The following SEMA5A variants were observed in gnomAD, a reference collection of about 807,000 sequenced individuals.
SEMA5A encodes semaphorin 5A, also known as semaphorin-5A.
Under a neutral mutation model 135.5 loss-of-function variants are expected in SEMA5A, and 55 were observed. The observed-to-expected ratio is 0.41, with a 90% CI of 0.33 to 0.51. The LOEUF (loss-of-function observed/expected upper bound fraction) is 0.51, where lower values mean the gene tolerates loss of function less well. Ranked by LOEUF, SEMA5A falls within the 20% of genes least tolerant of loss-of-function variation. The pLI is 0.37. For synonymous variants in SEMA5A, 580 were observed against 546.5 expected, an observed-to-expected ratio of 1.06 and a Z score of -0.85; for missense variants, 1,290 against 1,419.9, an observed-to-expected ratio of 0.91 and a Z score of 1.47.
At chr5:9,055,049 T>G (rs1401554951) in intron 18 of SEMA5A, among the ~76,000 whole-genome samples, 1 of 152,222 alleles carries the variant, frequency 6.6e-6, no homozygotes, top group Non-Finnish European at 1.5e-5. Flanking sequence ...CTGAATTCTT[T>G]AGGCTGGGCT....
chr5:9,435,576 G>T (rs1055320082), intron 2 of SEMA5A, among the ~76,000 whole-genome samples: 4 of 152,060 alleles, frequency 2.6e-5, no homozygotes, highest in African/African-American at 9.7e-5. Flanking sequence ...TGCACTGTGG[G>T]ACTAATACCT....
intron 5 of SEMA5A, among the ~76,000 whole-genome samples, chr5:9,300,914 T>C (rs556408990): frequency 6.6e-6 from 1 of 152,308 alleles, no homozygotes; most frequent in Non-Finnish European, 1.5e-5. Flanking sequence ...AGTGGAGCCC[T>C]GCTGATATCT....
intron 2 of SEMA5A, among the ~76,000 whole-genome samples, chr5:9,433,372 A>G (rs1379610873): frequency 6.6e-6 from 1 of 152,210 alleles, no homozygotes; most frequent in Non-Finnish European, 1.5e-5. Flanking sequence ...AAAAAATCTG[A>G]CATCACTAAA....
intron 13 of SEMA5A, among the ~76,000 whole-genome samples, chr5:9,126,993 C>T (rs926186894): frequency 6.6e-6 from 1 of 152,070 alleles, no homozygotes; most frequent in Non-Finnish European, 1.5e-5. Context: ...AAGGTCAAGC[C>T]CTTACCATTG....
chr5:9,397,713 A>C (rs909482836), intron 2 of SEMA5A, among the ~76,000 whole-genome samples: 7 of 152,230 alleles, frequency 4.6e-5, no homozygotes, highest in African/African-American at 1.7e-4. Context: ...GCAGACAAGA[A>C]TCAAGATGAA....
At chr5:9,423,056 A>T (rs1039036127) in intron 2 of SEMA5A, among the ~76,000 whole-genome samples, 1 of 152,188 alleles carries the variant, frequency 6.6e-6, no homozygotes, top group Non-Finnish European at 1.5e-5. Flanking sequence ...AGTGAGCTCA[A>T]CATCATTCAT....
intron 16 of SEMA5A, among the ~76,000 whole-genome samples, chr5:9,094,604 T>A (rs1739220853): frequency 2.0e-5 from 3 of 152,246 alleles, no homozygotes; most frequent in Admixed American, 2.0e-4. Flanking sequence ...GGCTTATTGT[T>A]CCAGAGCTTC....
chr5:9,526,761 G>T (rs1477585603), intron 1 of SEMA5A, among the ~76,000 whole-genome samples: 1 of 152,168 alleles, frequency 6.6e-6, no homozygotes, highest in African/African-American at 2.4e-5. Flanking sequence ...CAGGATGCTG[G>T]AAATTGCCTT....
intron 12 of SEMA5A, among the ~76,000 whole-genome samples, chr5:9,139,271 A>C (rs1741934203): frequency 6.6e-6 from 1 of 152,178 alleles, no homozygotes. Flanking sequence ...GCAAGGCTGC[A>C]GTGCTCATTT....
chr5:9,179,125 G>C (rs780938054), intron 11 of SEMA5A, among the ~76,000 whole-genome samples: 10 of 152,182 alleles, frequency 6.6e-5, no homozygotes, highest in South Asian at 2.1e-4. Context: ...CCCTAACTGG[G>C]TTTTTGTATA....
chr5:9,053,093 A>G (rs763967961), intron 19 of SEMA5A, among the ~76,000 whole-genome samples: 2 of 152,232 alleles, frequency 1.3e-5, no homozygotes, highest in Non-Finnish European at 2.9e-5. Context: ...CAAGCTAAAA[A>G]AAATTGTGTG....
chr5:9,143,838 A>G (rs1237680787), intron 12 of SEMA5A, among the ~76,000 whole-genome samples: 3 of 100,184 alleles, frequency 3.0e-5, no homozygotes, highest in African/African-American at 9.3e-5. Context: ...ATCATTGTAA[A>G]TTTTCTCTAG....
At chr5:9,365,474 C>T (rs777082709) in intron 3 of SEMA5A, among the ~76,000 whole-genome samples, 12 of 151,970 alleles carry the variant, frequency 7.9e-5, no homozygotes, top group Admixed American at 2.0e-4. Context: ...TTCATCATTG[C>T]TTGATTTTTT....
chr5:9,214,325 T>C (rs1006168484), intron 8 of SEMA5A, among the ~76,000 whole-genome samples: 1 of 152,104 alleles, frequency 6.6e-6, no homozygotes, highest in African/African-American at 2.4e-5. Context: ...CTGCTGGCCC[T>C]CTCCAATCCA....
chr5:9,185,621 C>T (rs1436611052), intron 11 of SEMA5A, among the ~76,000 whole-genome samples: 1 of 152,122 alleles, frequency 6.6e-6, no homozygotes, highest in Non-Finnish European at 1.5e-5. Context: ...ATATAATTTG[C>T]ATGCCATAAA....
chr5:9,216,468 T>A (rs543899827), intron 8 of SEMA5A, among the ~76,000 whole-genome samples: 141 of 152,208 alleles, frequency 9.3e-4, no homozygotes, highest in Non-Finnish European at 1.9e-3. Flanking sequence ...CCTGTAGTTT[T>A]TTGGTGGAGA....
At chr5:9,522,930 GC>G (rs1736916601) in intron 1 of SEMA5A, 1 of 152,064 alleles carries the variant, frequency 6.6e-6, no homozygotes, top group East Asian at 1.9e-4. Context: ...TTTCTCTAGG[GC>G]CATTTTTACT....
Position 9,150,475 on chromosome 5 carries a change from TAA to T in SEMA5A, c.1481+4011_1481+4012del, listed in dbSNP as rs373723385. ...CACTCTATCTATTAAATGGCTGTGC[TAA>T]AAAAAAATGCTAACATCAAAACACA... On this transcript the variant is annotated intron_variant, in intron 12 of 22. Transcript: ENST00000382496. Among the ~76,000 whole-genome samples the T allele has an allele frequency of 2.0e-5, 3 of 151,168 alleles. No individual in the cohort carries two copies. In the East Asian group the frequency reaches 5.8e-4, roughly 29 times the overall value.
rs113566651 is a variant in SEMA5A, at chr5:9,101,180, T to C, written c.2073+6960A>G. On this transcript the variant is annotated intron_variant, in intron 16 of 22. Coordinates refer to ENST00000382496, the MANE Select transcript of SEMA5A (RefSeq NM_003966.3). ...TATTTAGCTAGATACAACAAACTTCTATAAGCTCATTGGTGTTTAAGTTAA... is the reference window on the plus strand; with the variant it reads ...TATTTAGCTAGATACAACAAACTTCCATAAGCTCATTGGTGTTTAAGTTAA... Among the ~76,000 whole-genome samples the C allele has an allele frequency of 3.6e-3, 547 of 152,356 alleles. 5 individuals carry two copies. Among genetic ancestry groups the C allele is most frequent in the African/African-American group, 0.013 (528 of 41,582 alleles).
Sources: allele counts gnomAD v4.1 joint callset (sites outside exome capture counted in the v4.1 genomes callset), GRCh38; gene constraint gnomAD v4.1.1; transcripts MANE v1.5; gene names NCBI Gene and HGNC (gene_info 2026-07-23, HGNC 2026-07-21).